The following MYO6 variants were observed in gnomAD, a reference collection of about 807,000 sequenced individuals.
MYO6 encodes myosin VI.
In MYO6, 74 loss-of-function variants were observed where a neutral mutation model predicts 178.7. That is an observed-to-expected ratio of 0.41 (90% confidence interval 0.34 to 0.50). The LOEUF (loss-of-function observed/expected upper bound fraction) is 0.50, where lower values mean the gene tolerates loss of function less well. Ranked by LOEUF, MYO6 falls within the 20% of genes least tolerant of loss-of-function variation. The pLI, the probability that MYO6 is intolerant of heterozygous loss-of-function variation, is 0.09. For missense variants in MYO6, 1,330 were observed against 1,547.4 expected (o/e 0.86, Z 2.36); for synonymous variants, 477 against 504.6 (o/e 0.95, Z 0.73).
Position 75,835,923 on chromosome 6 carries a change from A to G in MYO6, c.520A>G (p.Thr174Ala). Residue 174 changes from threonine (T) to alanine (A), a missense_variant, in exon 7 of 35, where the codon ACA (threonine) becomes GCA (alanine). By Grantham distance (58) the Thr-to-Ala change is moderately conservative (BLOSUM62 0). Transcript: ENST00000369977. ...CAGATACCTGACTGAATCCTATGGA[A>G]CAGGTCAAGATATTGATGACAGAAT... ...VLRYLTESYGTGQDIDDRIVE... is the reference protein window; with the variant it reads ...VLRYLTESYGAGQDIDDRIVE... 1 of 1,606,654 alleles carries G rather than the reference A, an allele frequency of 6.2e-7. No homozygotes were observed. Among genetic ancestry groups the G allele is most frequent in the African/African-American group, 1.3e-5 (1 of 74,890 alleles).
chr6:75,882,247 A>G (rs899217205), intron 23 of MYO6, among the ~76,000 whole-genome samples: 3 of 152,144 alleles, frequency 2.0e-5, no homozygotes, highest in African/African-American at 7.2e-5. Context: ...TTCCTTCTCC[A>G]AATACTGTAC....
intron 1 of MYO6, among the ~76,000 whole-genome samples, chr6:75,798,935 A>G (rs1769135766): frequency 6.6e-6 from 1 of 152,242 alleles, no homozygotes; most frequent in Non-Finnish European, 1.5e-5. Flanking sequence ...ATGTGCAAAA[A>G]TAAGTAGTAT....
At chr6:75,785,719 A>G (rs1247302297) in intron 1 of MYO6, among the ~76,000 whole-genome samples, 2 of 151,580 alleles carry the variant, frequency 1.3e-5, no homozygotes, top group African/African-American at 4.8e-5. Context: ...TGCTTTTCAC[A>G]TATAGATGTA....
At chr6:75,837,519 C>T (rs1057094465) in intron 7 of MYO6, among the ~76,000 whole-genome samples, 1 of 152,178 alleles carries the variant, frequency 6.6e-6, no homozygotes, top group Non-Finnish European at 1.5e-5. Flanking sequence ...GAGTGCAATA[C>T]ACATGCTCTT....
chr6:75,790,805 T>C (rs1768150207), intron 1 of MYO6, among the ~76,000 whole-genome samples: 1 of 152,208 alleles, frequency 6.6e-6, no homozygotes, highest in South Asian at 2.1e-4. Flanking sequence ...AGATAATTGG[T>C]GTATAAGTTT....
intron 11 of MYO6, among the ~76,000 whole-genome samples, chr6:75,849,312 A>G (rs1269422510): frequency 6.6e-6 from 1 of 152,194 alleles, no homozygotes; most frequent in African/African-American, 2.4e-5. Flanking sequence ...CCCTTTAGAG[A>G]AAAAGATTGT....
At chr6:75,860,991 T>A (rs769585226) in intron 14 of MYO6, 32 bp from the exon 15 acceptor site, 3 of 1,430,108 alleles carry the variant, frequency 2.1e-6, no homozygotes, top group Non-Finnish European at 3.0e-6. Flanking sequence ...TCAGTATTGC[T>A]GTATCTATGA....
chr6:75,768,904 T>TA (rs1256664656), intron 1 of MYO6, among the ~76,000 whole-genome samples: 1 of 152,218 alleles, frequency 6.6e-6, no homozygotes, highest in Non-Finnish European at 1.5e-5. Flanking sequence ...AGAAGCATGG[T>TA]ACCAGCATCT....
intron 1 of MYO6, among the ~76,000 whole-genome samples, chr6:75,814,166 A>G: frequency 6.6e-6 from 1 of 152,144 alleles, no homozygotes; most frequent in East Asian, 1.9e-4. Flanking sequence ...GCTTGCTGAG[A>G]TGAACTATTT....
intron 1 of MYO6, among the ~76,000 whole-genome samples, chr6:75,794,444 G>A (rs9443191): frequency 0.056 from 8,568 of 152,072 alleles, 540 homozygotes; most frequent in African/African-American, 0.15. Flanking sequence ...AAAGGGGTAC[G>A]AATAATCAGG....
chr6:75,899,340 C>T (rs974370667), intron 30 of MYO6, among the ~76,000 whole-genome samples: 14 of 150,166 alleles, frequency 9.3e-5, no homozygotes, highest in African/African-American at 3.2e-4. Flanking sequence ...GTCAATTTAC[C>T]TCTTCTTTCA....
intron 9 of MYO6, among the ~76,000 whole-genome samples, chr6:75,844,315 C>T (rs1195278298): frequency 6.6e-6 from 1 of 151,934 alleles, no homozygotes; most frequent in Non-Finnish European, 1.5e-5. Context: ...AAGTAAATCA[C>T]TGAAATAAGA....
chr6:75,862,968 G>A (rs2149299700), intron 16 of MYO6, among the ~76,000 whole-genome samples: 1 of 152,280 alleles, frequency 6.6e-6, no homozygotes, highest in East Asian at 1.9e-4. Flanking sequence ...CAATGTGCCT[G>A]TAGTCTGAGA....
At chr6:75,855,332 T>C (rs771066426) in intron 12 of MYO6, 49 bp downstream of exon 12, 1 of 1,584,644 alleles carries the variant, frequency 6.3e-7, no homozygotes, top group South Asian at 1.1e-5. Context: ...TTGCAGTTTG[T>C]CAAGGAAAAA....
At chr6:75,805,313 A>T (rs902433615) in intron 1 of MYO6, among the ~76,000 whole-genome samples, 8 of 151,900 alleles carry the variant, frequency 5.3e-5, no homozygotes. Context: ...CCTTAACCTA[A>T]CTATATTTCT....
At chr6:75,911,155 A>C (rs1780727016) in intron 32 of MYO6, among the ~76,000 whole-genome samples, 1 of 152,024 alleles carries the variant, frequency 6.6e-6, no homozygotes, top group Non-Finnish European at 1.5e-5. Context: ...TGTTTAAAAC[A>C]ATGATTTTGG....
In MYO6 at chr6:75,782,699, T is replaced by G. The variant is rs547588659; in HGVS notation, c.-48+33276T>G. ...TTTCTCTTCTTTCTCTTTTCCCTTT[T>G]TAGCCTGTGTTTATGTGTCCTTGTT... On this transcript the variant is annotated intron_variant, in intron 1 of 34. Coordinates refer to ENST00000369977, the MANE Select transcript of MYO6 (RefSeq NM_004999.4). Among the ~76,000 whole-genome samples the G allele has an allele frequency of 2.2e-4, 34 of 152,304 alleles. No individual in the cohort carries two copies. In the East Asian group the frequency reaches 5.8e-3, roughly 26 times the overall value.
chr6:75,866,380 C>T lies in MYO6; in HGVS notation c.1675-146C>T. ...GATTTTATTGATACTTTAAGGCATA[C>T]TCAATACATAAAAGCAGTATAATTG... is the stretch of plus-strand genomic sequence containing the variant. On this transcript the variant is annotated intron_variant, in intron 16 of 34. Coordinates refer to ENST00000369977, the MANE Select transcript of MYO6 (RefSeq NM_004999.4). The T allele has an allele frequency of 6.4e-6, 4 of 622,748 alleles. 1 individual carries two copies. The highest frequency in any genetic ancestry group is 5.4e-5 in the South Asian group (3 of 56,016). 38.6% of individuals were successfully genotyped at this position (622,748 alleles called of 1,614,324 possible). A position where few individuals can be genotyped will look rare whatever the true frequency, so the allele number is the denominator to read the frequency against.
intron 5 of MYO6, among the ~76,000 whole-genome samples, chr6:75,831,968 C>T (rs1583217238): frequency 6.6e-6 from 1 of 151,780 alleles, no homozygotes; most frequent in African/African-American, 2.4e-5. Context: ...GGTTTGCATT[C>T]TCCCCTTAGA....
Sources: allele counts gnomAD v4.1 joint callset (sites outside exome capture counted in the v4.1 genomes callset), GRCh38; gene constraint gnomAD v4.1.1; transcripts MANE v1.5; gene names NCBI Gene and HGNC (gene_info 2026-07-23, HGNC 2026-07-21).